Variants in ITGA2 observed in about 807,000 individuals in gnomAD.
ITGA2 encodes integrin subunit alpha 2, also known as integrin alpha-2.
Under a neutral mutation model 146.3 loss-of-function variants are expected in ITGA2, and 101 were observed. The ratio of observed to expected loss-of-function variants is 0.69; its 90% CI spans 0.59 to 0.81. ITGA2 has a LOEUF of 0.81. ITGA2 is among the 40% of genes least tolerant of loss of function. The probability of loss-of-function intolerance (pLI) is 0.00; values close to 1 mark genes in which losing one functional copy is unlikely to be tolerated. For missense variants in ITGA2, 1,281 were observed against 1,402.7 expected (o/e 0.91, Z 1.39); for synonymous variants, 477 against 487.1 (o/e 0.98, Z 0.27).
At position 53,044,274 on chromosome 5, in the gene ITGA2, C is replaced by CCAA. The variant is rs1743958352; in HGVS notation, c.296-727_296-726insCAA. 5.3e-5 allele frequency among the ~76,000 whole-genome samples: 2 copies of CCAA among 37,772 alleles called. 1 individual carries two copies. Among genetic ancestry groups the CCAA allele is most frequent in the African/African-American group, 3.1e-4 (2 of 6,554 alleles). The allele number at this position is 37,772 out of a possible 152,430, so 24.8% of individuals were successfully genotyped here. A position where few individuals can be genotyped will look rare whatever the true frequency, so the allele number is the denominator to read the frequency against. On this transcript the variant is annotated intron_variant, in intron 3 of 29. Coordinates refer to ENST00000296585, the MANE Select transcript of ITGA2 (RefSeq NM_002203.4). ...TGGATGACAGAGTGAGACTCTGTCT[C>CCAA]AAAAAAAAAAAAAAAAAAAAAAAAA...
intron 24 of ITGA2, among the ~76,000 whole-genome samples, chr5:53,079,977 C>G (rs575004720): frequency 1.6e-4 from 25 of 152,220 alleles, no homozygotes; most frequent in African/African-American, 5.8e-4. Context: ...GTGCCCTGTG[C>G]CAGCACATAC....
intron 1 of ITGA2, among the ~76,000 whole-genome samples, chr5:52,998,992 C>T (rs1296256124): frequency 6.6e-6 from 1 of 152,206 alleles, no homozygotes; most frequent in East Asian, 1.9e-4. Context: ...ACTTCTTTGA[C>T]AGAGTTTGTT....
At position 53,094,196 on chromosome 5, in the gene ITGA2, A is replaced by C. The variant is rs72760448; in HGVS notation, c.*3597A>C. 6.6e-6 allele frequency: 1 copy of C among 151,968 alleles called. No individual in the cohort carries two copies. Among genetic ancestry groups the C allele is most frequent in the African/African-American group, 2.4e-5 (1 of 41,364 alleles). 9.4% of individuals were successfully genotyped at this position (151,968 alleles called of 1,614,324 possible). A position where few individuals can be genotyped will look rare whatever the true frequency, so the allele number is the denominator to read the frequency against. On this transcript the variant is annotated 3_prime_UTR_variant, in exon 30 of 30. Coordinates refer to ENST00000296585, the MANE Select transcript of ITGA2 (RefSeq NM_002203.4). ...ATATTTCAATTTGCACACATAAAAC[A>C]ATGCCCTTTTGTGTACATTCAGGCA...
intron 4 of ITGA2, among the ~76,000 whole-genome samples, chr5:53,046,083 C>T (rs1444331674): frequency 4.7e-5 from 7 of 149,902 alleles, no homozygotes; most frequent in South Asian, 2.1e-4. Flanking sequence ...CCCAGCTACT[C>T]GGGAGGCTGA....
rs545393860 is a variant in ITGA2 at position 53,053,489 on chromosome 5, G to A, written c.779+1930G>A. Among the ~76,000 whole-genome samples, 23 of 152,214 alleles carry A rather than the reference G, an allele frequency of 1.5e-4. 1 individual carries two copies. In the South Asian group the frequency reaches 2.5e-3, roughly 16 times the overall value. ...CTTTCCTGGAGTTAGAAACTGCAAC[G>A]GCCCGGTTTTCAGCAGGGAAGGTGG... On this transcript the variant is annotated intron_variant, in intron 7 of 29. Coordinates refer to ENST00000296585, the MANE Select transcript of ITGA2 (RefSeq NM_002203.4).
intron 2 of ITGA2, among the ~76,000 whole-genome samples, chr5:53,028,102 C>T (rs1007835691): frequency 3.3e-5 from 5 of 151,976 alleles, no homozygotes; most frequent in Admixed American, 1.3e-4. Context: ...AGGAAAAAAC[C>T]GTAACTGTAA....
intron 12 of ITGA2, among the ~76,000 whole-genome samples, chr5:53,061,415 AACCACTGCTTTGTAGGTAAGC>A (rs1347880374): frequency 6.6e-6 from 1 of 151,948 alleles, no homozygotes; most frequent in Non-Finnish European, 1.5e-5. Context: ...GCAGGCATGT[AACCACTGCTTTGTAGGTAAGC>A]ACACACTAGG....
intron 27 of ITGA2, among the ~76,000 whole-genome samples, chr5:53,086,567 A>G (rs528347916): frequency 6.6e-6 from 1 of 152,308 alleles, no homozygotes; most frequent in South Asian, 2.1e-4. Flanking sequence ...CTCTCATGTC[A>G]CAAACTTATT....
At chr5:53,052,978 G>A (rs977371046) in intron 7 of ITGA2, among the ~76,000 whole-genome samples, 26 of 152,076 alleles carry the variant, frequency 1.7e-4, no homozygotes, top group African/African-American at 5.8e-4. Flanking sequence ...TATTTGGAGT[G>A]TTGGCTCACT....
chr5:53,055,592 G>A lies in ITGA2; in HGVS notation c.834G>A (p.Met278Ile), dbSNP rs906327966. The A allele has an allele frequency of 8.1e-6, 13 of 1,613,086 alleles. No individual in the cohort carries two copies. In the African/African-American group the frequency reaches 1.3e-4, roughly 17 times the overall value. ...GGCGACGAAGTGCTACGAAAGTAAT[G>A]GTAGTTGTAACTGACGGTGAATCAC... ...SGGRRSATKVMVVVTDGESHD... is the reference protein window; with the variant it reads ...SGGRRSATKVIVVVTDGESHD... Residue 278 changes from methionine to isoleucine, a missense_variant, in exon 8 of 30, where the codon ATG becomes ATA. Around this residue, in one of 3 missense-constraint regions of ITGA2, gnomAD observed 795 missense variants for 841.7 expected, o/e 0.94. Transcript: ENST00000296585.
At chr5:53,056,226 C>A in intron 9 of ITGA2, 77 bp downstream of exon 9, 1 of 1,308,938 alleles carries the variant, frequency 7.6e-7, no homozygotes, top group Non-Finnish European at 1.1e-6. Context: ...ATTTGCTTTA[C>A]TAATGTTAAC....
intron 2 of ITGA2, among the ~76,000 whole-genome samples, chr5:53,035,667 C>G (rs923528929): frequency 6.6e-6 from 1 of 152,174 alleles, no homozygotes; most frequent in African/African-American, 2.4e-5. Context: ...AGACGGGCAG[C>G]CTTCACGGGT....
chr5:53,065,820 G>T, intron 14 of ITGA2, 21 bp from the exon 15 acceptor site: 1 of 1,611,398 alleles, frequency 6.2e-7, no homozygotes, highest in Non-Finnish European at 8.5e-7. Context: ...CTATAATTTC[G>T]TGTCAAACCT....
At chr5:53,012,024 C>A (rs1315111158) in intron 1 of ITGA2, among the ~76,000 whole-genome samples, 1 of 151,948 alleles carries the variant, frequency 6.6e-6, no homozygotes, top group Non-Finnish European at 1.5e-5. Flanking sequence ...AAAAAAAATC[C>A]TTGGGAGCAG....
chr5:53,089,898 CCTT>C (rs1561161526), intron 28 of ITGA2, 45 bp from the exon 29 acceptor site: 2 of 1,090,448 alleles, frequency 1.8e-6, no homozygotes, highest in Non-Finnish European at 2.8e-6. Flanking sequence ...CCATCTCCCC[CCTT>C]TTTTGTGGTA....
At chr5:53,017,261 T>A (rs1344897556) in intron 1 of ITGA2, among the ~76,000 whole-genome samples, 3 of 152,210 alleles carry the variant, frequency 2.0e-5, no homozygotes, top group Admixed American at 6.5e-5. Flanking sequence ...GATGGGTTGT[T>A]TTTTGCTTTT....
chr5:53,089,415 C>T, intron 28 of ITGA2: 1 of 155,406 alleles, frequency 6.4e-6, no homozygotes, highest in Non-Finnish European at 1.4e-5. Flanking sequence ...GCCTGAAGGA[C>T]AACGTTCCCA....
At chr5:53,004,188 A>T (rs563249013) in intron 1 of ITGA2, among the ~76,000 whole-genome samples, 80 of 152,266 alleles carry the variant, frequency 5.3e-4, no homozygotes, top group African/African-American at 1.9e-3. Flanking sequence ...ATAAAATTAC[A>T]TCCAGTTGAG....
Position 53,048,429 on chromosome 5 carries a change from A to G in ITGA2, c.454A>G (p.Ile152Val), listed in dbSNP as rs1321381502. Residue 152 changes from isoleucine (I) to valine (V), a missense_variant, in exon 5 of 30, where the codon ATC becomes GTC. Around this residue, in one of 3 missense-constraint regions of ITGA2, gnomAD observed 795 missense variants for 841.7 expected, o/e 0.94. Coordinates refer to ENST00000296585, the MANE Select transcript of ITGA2 (RefSeq NM_002203.4). ...QYYTTGVCSD[I>V]SPDFQLSASF... ...TTACACAACGGGTGTGTGTTCTGAC[A>G]TCAGTCCTGATTTTCAGCTCTCAGC... 2.5e-5 allele frequency: 40 copies of G among 1,614,038 alleles called. No homozygotes were observed. The highest frequency in any genetic ancestry group is 3.2e-5 in the Non-Finnish European group (38 of 1,180,004).
Sources: allele counts gnomAD v4.1 joint callset (sites outside exome capture counted in the v4.1 genomes callset), GRCh38; gene constraint gnomAD v4.1.1; regional missense constraint gnomAD v4.1.1; transcripts MANE v1.5; gene names NCBI Gene and HGNC (gene_info 2026-07-23, HGNC 2026-07-21).